Variants in ATAD5 observed in about 807,000 individuals in gnomAD.
ATAD5 encodes the protein ATPase family AAA domain-containing protein 5.
In ATAD5, 58 loss-of-function variants were observed where a neutral mutation model predicts 176.9. The observed-to-expected ratio is 0.33, with a 90% CI of 0.27 to 0.41. ATAD5 has a LOEUF of 0.41. Ranked by LOEUF, ATAD5 falls within the 10% of genes least tolerant of loss-of-function variation. The pLI, the probability that ATAD5 is intolerant of heterozygous loss-of-function variation, is 1.00. For missense variants in ATAD5, 1,789 were observed against 2,094.1 expected (o/e 0.85, Z 2.84); for synonymous variants, 640 against 712.6 (o/e 0.90, Z 1.62).
chr17:30,841,866 T>C (rs530216262), intron 4 of ATAD5, among the ~76,000 whole-genome samples: 1 of 152,326 alleles, frequency 6.6e-6, no homozygotes, highest in Non-Finnish European at 1.5e-5. Flanking sequence ...TTGGGTTGTT[T>C]TCACTTTTTG....
intron 14 of ATAD5, among the ~76,000 whole-genome samples, chr17:30,872,089 A>T (rs866554024): frequency 6.6e-5 from 10 of 151,604 alleles, no homozygotes; most frequent in Middle Eastern, 3.4e-3. Context: ...ATTAAAAGAA[A>T]TTTTTTTTTG....
chr17:30,887,091 T>G, intron 18 of ATAD5, 101 bp from the exon 19 acceptor site: 1 of 1,046,828 alleles, frequency 9.6e-7, no homozygotes, highest in Non-Finnish European at 1.3e-6. Context: ...ATAATGTGAA[T>G]TTTAGCAAAA....
chr17:30,875,573 GA>G (rs1225161618), intron 14 of ATAD5, among the ~76,000 whole-genome samples: 5 of 151,862 alleles, frequency 3.3e-5, no homozygotes, highest in Non-Finnish European at 7.4e-5. Context: ...GAGGCAGGCG[GA>G]TCGCTTGAGC....
chr17:30,846,708 T>C (rs1377236500), intron 6 of ATAD5, among the ~76,000 whole-genome samples: 2 of 151,416 alleles, frequency 1.3e-5, no homozygotes, highest in Non-Finnish European at 2.9e-5. Flanking sequence ...GCCAACAGTT[T>C]GAATTTTTCT....
intron 6 of ATAD5, among the ~76,000 whole-genome samples, chr17:30,849,216 GT>G (rs1439941488): frequency 1.3e-5 from 2 of 152,000 alleles, no homozygotes; most frequent in Non-Finnish European, 2.9e-5. Flanking sequence ...ACCACTTTTT[GT>G]CTCTCCATAC....
chr17:30,857,742 ATT>A (rs56075512), intron 8 of ATAD5, among the ~76,000 whole-genome samples: 24 of 138,204 alleles, frequency 1.7e-4, no homozygotes, highest in Admixed American at 3.7e-4. Flanking sequence ...GACTAAAGCT[ATT>A]TTTTTTTTTT....
chr17:30,855,819 A>C (rs1449115713), intron 7 of ATAD5, among the ~76,000 whole-genome samples: 1 of 151,706 alleles, frequency 6.6e-6, no homozygotes, highest in African/African-American at 2.4e-5. Context: ...TGATCATGCC[A>C]CTGCATTCCA....
intron 12 of ATAD5, among the ~76,000 whole-genome samples, chr17:30,868,799 G>A (rs1372711230): frequency 2.7e-5 from 4 of 150,150 alleles, no homozygotes; most frequent in East Asian, 2.0e-4. Context: ...ATGAGCCACT[G>A]CACCTGGCCT....
Position 30,869,231 on chromosome 17 carries a change from T to C in ATAD5, c.3314-17T>C, listed in dbSNP as rs748083200. 2 of 1,589,826 alleles carry C rather than the reference T, an allele frequency of 1.3e-6. No homozygotes were observed. The highest frequency in any genetic ancestry group is 1.7e-6 in the Non-Finnish European group (2 of 1,173,030). On this transcript the variant is annotated splice_polypyrimidine_tract_variant and intron_variant, in intron 12 of 22. Transcript: ENST00000321990. ...CTCAGCAATTGTCATTTTATATGCA[T>C]TTGAATAATTTTTCAGATTTCTCGG...
intron 7 of ATAD5, 141 bp from the exon 8 acceptor site, chr17:30,856,814 G>T: frequency 1.5e-6 from 1 of 658,524 alleles, no homozygotes; most frequent in Non-Finnish European, 2.3e-6. Flanking sequence ...GTAGGATTTT[G>T]TTCCCTTTAT....
At chr17:30,887,446 G>A in intron 19 of ATAD5, 74 bp downstream of exon 19, 1 of 1,288,452 alleles carries the variant, frequency 7.8e-7, no homozygotes, top group Non-Finnish European at 1.1e-6. Flanking sequence ...GCTGGGTGCA[G>A]TGGCTCATGC....
At position 30,869,549 on chromosome 17, in the gene ATAD5, G is replaced by T; in HGVS notation, c.3510G>T (p.Gln1170His). 6.2e-7 allele frequency: 1 copy of T among 1,612,542 alleles called. No homozygotes were observed. The highest frequency in any genetic ancestry group is 8.5e-7 in the Non-Finnish European group (1 of 1,179,722). The change falls in exon 14 of 23, where the codon CAG (glutamine) becomes CAT (histidine). Residue 1170 changes from glutamine to histidine, a missense_variant. Gln to His is a conservative substitution (Grantham distance 24). Coordinates refer to ENST00000321990, the MANE Select transcript of ATAD5 (RefSeq NM_024857.5). ...GCAGTGGTAGACAAATTCTATCTCA[G>T]TTGAAGGAAGCTACTCAGTCCCATC... The part of the protein sequence containing the change: ...SQRSGRQILS[Q>H]LKEATQSHQV...
intron 10 of ATAD5, 55 bp downstream of exon 10, chr17:30,860,667 T>C (rs1907576003): frequency 1.4e-6 from 2 of 1,381,580 alleles, no homozygotes; most frequent in East Asian, 2.6e-5. Flanking sequence ...ACATGCAAAG[T>C]GGAAACCAAA....
At chr17:30,888,807 C>T (rs1909464109) in intron 19 of ATAD5, among the ~76,000 whole-genome samples, 1 of 151,876 alleles carries the variant, frequency 6.6e-6, no homozygotes, top group Admixed American at 6.6e-5. Flanking sequence ...GTGGCTCACG[C>T]CTGTAATCCC....
chr17:30,892,223 G>A (rs1266550970), intron 19 of ATAD5, among the ~76,000 whole-genome samples: 5 of 151,534 alleles, frequency 3.3e-5, no homozygotes, highest in East Asian at 2.0e-4. Flanking sequence ...TCAAGAGTTC[G>A]AGATCAGCCT....
chr17:30,850,151 T>A (rs915079839), intron 6 of ATAD5, among the ~76,000 whole-genome samples: 1 of 149,828 alleles, frequency 6.7e-6, no homozygotes, highest in African/African-American at 2.4e-5. Flanking sequence ...TAAAAAAAAA[T>A]TTTTTTTTTG....
chr17:30,860,362 T>G, intron 9 of ATAD5, 71 bp from the exon 10 acceptor site: 1 of 1,493,996 alleles, frequency 6.7e-7, no homozygotes, highest in Non-Finnish European at 9.0e-7. Context: ...ATTGGATACT[T>G]GGAAGTGATA....
At chr17:30,834,032 T>C in intron 1 of ATAD5, 116 bp from the exon 2 acceptor site, 1 of 913,146 alleles carries the variant, frequency 1.1e-6, no homozygotes, top group South Asian at 3.0e-5. Flanking sequence ...GTTTTTCACC[T>C]AAAGGAGGCT....
chr17:30,892,522 G>T, intron 19 of ATAD5, 85 bp from the exon 20 acceptor site: 2 of 941,274 alleles, frequency 2.1e-6, no homozygotes, highest in South Asian at 2.7e-5. Flanking sequence ...TCCAGAAGAT[G>T]TCAAAGGATC....
Sources: gnomAD v4.1 joint callset for allele counts (sites outside exome capture counted in the v4.1 genomes callset) on GRCh38, gnomAD v4.1.1 for gene constraint, MANE v1.5 for transcripts, NCBI Gene and HGNC (gene_info 2026-07-23, HGNC 2026-07-21) for gene names.